DNAAF5: variants seen among roughly 807,000 people sequenced by gnomAD.
The protein encoded by DNAAF5 is HEAT repeat containing 2.
Under a neutral mutation model 75.8 loss-of-function variants are expected in DNAAF5, and 64 were observed. That is an observed-to-expected ratio of 0.84 (90% CI 0.69 to 1.04). The LOEUF (loss-of-function observed/expected upper bound fraction) is 1.04. DNAAF5 is among the 50% of genes least tolerant of loss of function. DNAAF5 has a pLI of 0.00. For missense variants in DNAAF5, 1,269 were observed against 1,178.5 expected, an observed-to-expected ratio of 1.08 and a Z score of -1.12; for synonymous variants, 657 against 557.2, an observed-to-expected ratio of 1.18 and a Z score of -2.52.
At chr7:743,390 CA>C (rs1463723401) in intron 4 of DNAAF5, among the ~76,000 whole-genome samples, 1 of 122,816 alleles carries the variant, frequency 8.1e-6, no homozygotes, top group Non-Finnish European at 1.8e-5. Flanking sequence ...AACAAACAAA[CA>C]AAAAACAGTT....
intron 2 of DNAAF5, among the ~76,000 whole-genome samples, chr7:733,567 GC>G (rs1781648797): frequency 1.3e-5 from 2 of 152,114 alleles, no homozygotes; most frequent in South Asian, 4.2e-4. Context: ...TGCGATCTCT[GC>G]TTACTGCAAG....
chr7:738,416 C>CGG (rs1401955978), intron 2 of DNAAF5, among the ~76,000 whole-genome samples: 1 of 152,008 alleles, frequency 6.6e-6, no homozygotes, highest in Non-Finnish European at 1.5e-5. Flanking sequence ...GATTGGTCAC[C>CGG]GGTGCCTTAT....
rs1293234783 is a variant in DNAAF5 at position 741,402 on chromosome 7, G to A, written c.961G>A (p.Glu321Lys). The A allele has an allele frequency of 1.3e-6, 2 of 1,580,430 alleles. No homozygotes were observed. The highest frequency in any genetic ancestry group is 2.0e-4 in the Middle Eastern group (1 of 5,096). ...DVGLQWQKEN[E>K]EDLKDKLDFA... ...TGGCCTGCAGTGGCAGAAGGAGAAT[G>A]AGGAGGACCTGAAGGACAAGCTGGA... is the stretch of plus-strand genomic sequence containing the variant. Residue 321 changes from glutamate to lysine, a missense_variant, in exon 4 of 13, where the codon GAG becomes AAG. Transcript: ENST00000297440.
intron 6 of DNAAF5, among the ~76,000 whole-genome samples, chr7:761,501 C>T (rs1782642172): frequency 6.6e-6 from 1 of 152,254 alleles, no homozygotes; most frequent in Non-Finnish European, 1.5e-5. Context: ...AAAGGAGGAG[C>T]AAAGTCACGT....
At chr7:734,356 C>T (rs75832739) in intron 2 of DNAAF5, among the ~76,000 whole-genome samples, 14 of 152,274 alleles carry the variant, frequency 9.2e-5, no homozygotes, top group South Asian at 2.1e-4. Flanking sequence ...GAAATAATCA[C>T]GTAGTTCTTG....
At chr7:762,972 G>A (rs1004860066) in intron 7 of DNAAF5, among the ~76,000 whole-genome samples, 3 of 152,076 alleles carry the variant, frequency 2.0e-5, no homozygotes, top group African/African-American at 7.2e-5. Context: ...GCCCCTGGAG[G>A]CCCCAGTATC....
At chr7:735,606 T>C (rs1235334808) in intron 2 of DNAAF5, among the ~76,000 whole-genome samples, 3 of 152,266 alleles carry the variant, frequency 2.0e-5, no homozygotes, top group Middle Eastern at 3.2e-3. Flanking sequence ...CAGTCTCTAA[T>C]GATGCTTTGA....
At chr7:781,787 C>T (rs4358692) in intron 12 of DNAAF5, among the ~76,000 whole-genome samples, 1,680 of 152,314 alleles carry the variant, frequency 0.011, 26 homozygotes, top group East Asian at 0.044. Context: ...CATTTCCATG[C>T]TGTCTTTTGA....
chr7:769,246 C>T (rs777282758), intron 8 of DNAAF5: 2 of 743,636 alleles, frequency 2.7e-6, no homozygotes, highest in Non-Finnish European at 2.5e-6. Flanking sequence ...GACGCTCCCT[C>T]TACACTGGCC....
At position 770,757 on chromosome 7, in the gene DNAAF5, C is replaced by T; in HGVS notation, c.1931+139C>T. ...CTGCACTGCGCAAGGGGTTCCCCAT[C>T]TCCCTCCCCCACACTGAGTCAAAGG... On this transcript the variant is annotated intron_variant, in intron 9 of 12. Coordinates refer to ENST00000297440, the MANE Select transcript of DNAAF5 (RefSeq NM_017802.4). 9 of 774,544 alleles carry T rather than the reference C, an allele frequency of 1.2e-5. No homozygotes were observed. In the South Asian group the frequency reaches 1.2e-4, roughly 11 times the overall value. The allele number at this position is 774,544 out of a possible 1,614,324, so 48.0% of individuals were successfully genotyped here.
At chr7:781,598 CTCCCAGCGGTGCTCATTTACAT>C in intron 12 of DNAAF5, among the ~76,000 whole-genome samples, 1 of 138,764 alleles carries the variant, frequency 7.2e-6, no homozygotes, top group South Asian at 2.4e-4. Context: ...CCAGACTGTT[CTCCCAGCGGTGCTCATTTACAT>C]TCCCACCAGC....
intron 12 of DNAAF5, among the ~76,000 whole-genome samples, chr7:783,139 C>T (rs1583529076): frequency 6.6e-6 from 1 of 152,230 alleles, no homozygotes; most frequent in East Asian, 1.9e-4. Context: ...TTGGGCCGTT[C>T]ACTTTCACGC....
intron 7 of DNAAF5, among the ~76,000 whole-genome samples, chr7:762,950 T>C (rs1438491103): frequency 6.6e-6 from 1 of 152,158 alleles, no homozygotes; most frequent in South Asian, 2.1e-4. Flanking sequence ...AACCTTCTAA[T>C]GGGCTTCTAG....
Position 754,538 on chromosome 7 carries a change from T to C in DNAAF5, c.1025-51T>C. ...ATGTGATGTGCGGTAACTTGAGTTG[T>C]TGAGGTTTTGCTTGTGAATTTCTCA... On this transcript the variant is annotated intron_variant, in intron 4 of 12. Transcript: ENST00000297440. This position sits in a 1 kb window ranked among gnomAD's most constrained non-coding sequence, Gnocchi z 4.8. 6.8e-7 allele frequency: 1 copy of C among 1,479,294 alleles called. No homozygotes were observed. The highest frequency in any genetic ancestry group is 9.4e-7 in the Non-Finnish European group (1 of 1,060,288). The allele number at this position is 1,479,294 out of a possible 1,614,324, so 91.6% of individuals were successfully genotyped here. A position where few individuals can be genotyped will look rare whatever the true frequency, so the allele number is the denominator to read the frequency against.
chr7:745,655 A>C (rs970009730), intron 4 of DNAAF5, among the ~76,000 whole-genome samples: 2 of 151,730 alleles, frequency 1.3e-5, no homozygotes, highest in Non-Finnish European at 2.9e-5. Flanking sequence ...ACACGTACAC[A>C]CTTATCCTCA....
Position 770,607 on chromosome 7 carries a change from C to G in DNAAF5, c.1920C>G (p.Ile640Met). Residue 640 changes from isoleucine (I) to methionine (M), a missense_variant, in exon 9 of 13, where the codon ATC (isoleucine) becomes ATG (methionine). By Grantham distance (10) the Ile-to-Met change is conservative. Coordinates refer to ENST00000297440, the MANE Select transcript of DNAAF5 (RefSeq NM_017802.4). ...STVLLRATDT[I>M]NSQGQFPSYL... ...TGCTGCTCAGAGCCACGGACACCAT[C>G]AACTCCCAGGGGTAGGTCCGGGCTC... is the stretch of plus-strand genomic sequence containing the variant. The G allele has an allele frequency of 6.2e-7, 1 of 1,613,614 alleles. No homozygotes were observed. The highest frequency in any genetic ancestry group is 8.5e-7 in the Non-Finnish European group (1 of 1,179,942).
At chr7:743,230 G>A (rs1406719710) in intron 4 of DNAAF5, among the ~76,000 whole-genome samples, 3 of 152,012 alleles carry the variant, frequency 2.0e-5, no homozygotes, top group African/African-American at 7.3e-5. Context: ...AAACAAATTA[G>A]CTGGGCGTGG....
rs764198558 is a variant in DNAAF5 at position 741,333 on chromosome 7, C to T, written c.906-14C>T. On this transcript the variant is annotated splice_polypyrimidine_tract_variant and intron_variant, in intron 3 of 12. Coordinates refer to ENST00000297440, the MANE Select transcript of DNAAF5 (RefSeq NM_017802.4). ...CCTGCCCTGAGCCACTGTTGTCTGTCTGTTGTGCCTCAGGCAGCTGGCTGC... is the reference window on the plus strand; with the variant it reads ...CCTGCCCTGAGCCACTGTTGTCTGTTTGTTGTGCCTCAGGCAGCTGGCTGC... The T allele has an allele frequency of 1.0e-5, 16 of 1,578,712 alleles. No individual in the cohort carries two copies. Among genetic ancestry groups the T allele is most frequent in the Non-Finnish European group, 1.4e-5 (16 of 1,160,702 alleles).
intron 4 of DNAAF5, among the ~76,000 whole-genome samples, chr7:743,773 T>C (rs1781996400): frequency 1.3e-5 from 2 of 151,828 alleles, no homozygotes; most frequent in South Asian, 4.2e-4. Context: ...GCCTCCCAAG[T>C]AGCTGGGATT....
Sources: gnomAD v4.1 joint callset for allele counts (sites outside exome capture counted in the v4.1 genomes callset) on GRCh38, gnomAD v4.1.1 for gene constraint, Gnocchi (gnomAD v3.1) non-coding constraint, MANE v1.5 for transcripts, NCBI Gene and HGNC (gene_info 2026-07-23, HGNC 2026-07-21) for gene names.